Variants in KDM4C observed in about 807,000 individuals in gnomAD.
KDM4C encodes lysine-specific demethylase 4C.
Under a neutral mutation model 129.3 loss-of-function variants are expected in KDM4C, and 81 were observed. The ratio of observed to expected loss-of-function variants is 0.63; its 90% CI spans 0.52 to 0.75. KDM4C has a LOEUF of 0.75. KDM4C is among the 30% of genes least tolerant of loss of function. The pLI is 0.00. For missense variants in KDM4C, 1,457 were observed against 1,304.0 expected, an observed-to-expected ratio of 1.12 and a Z score of -1.81; for synonymous variants, 573 against 456.1, an observed-to-expected ratio of 1.26 and a Z score of -3.26.
At chr9:7,011,640 G>T in intron 12 of KDM4C, 58 bp from the exon 13 acceptor site, 5 of 1,444,074 alleles carry the variant, frequency 3.5e-6, no homozygotes, top group Non-Finnish European at 4.9e-6. Flanking sequence ...TTTGTACTCA[G>T]GGTGATTGTT....
chr9:6,815,280 C>T (rs1055463441), intron 4 of KDM4C: 11 of 151,898 alleles, frequency 7.2e-5, no homozygotes, highest in African/African-American at 2.7e-4. Flanking sequence ...ATTCTTTTTG[C>T]CTTTTCCTGA....
chr9:6,732,962 G>A (rs921928331), intron 1 of KDM4C, among the ~76,000 whole-genome samples: 4 of 152,058 alleles, frequency 2.6e-5, no homozygotes, highest in Admixed American at 6.6e-5. Context: ...GCAGTCAGCC[G>A]AGATCATGCC....
At chr9:6,958,586 G>GA (rs987352305) in intron 8 of KDM4C, among the ~76,000 whole-genome samples, 203 of 140,218 alleles carry the variant, frequency 1.4e-3, no homozygotes, top group African/African-American at 3.1e-3. Flanking sequence ...GACTCTGTCT[G>GA]AAAAAAAAAA....
At chr9:6,792,720 G>A (rs1455652434) in intron 1 of KDM4C, among the ~76,000 whole-genome samples, 1 of 152,098 alleles carries the variant, frequency 6.6e-6, no homozygotes, top group Non-Finnish European at 1.5e-5. Flanking sequence ...AGGGTTTTGA[G>A]GAGGCTAACA....
At chr9:6,910,967 G>A (rs1372727086) in intron 8 of KDM4C, among the ~76,000 whole-genome samples, 1 of 152,078 alleles carries the variant, frequency 6.6e-6, no homozygotes, top group African/African-American at 2.4e-5. Flanking sequence ...TTATAGAATA[G>A]GATCTTTTCT....
chr9:6,980,780 C>T lies in KDM4C; in HGVS notation c.922-145C>T, dbSNP rs551470353. ...TCTATTCAGAAGAAATTGGGTTTAT[C>T]ACCCATTGAATGTTTGATAATGTAA... On this transcript the variant is annotated intron_variant, in intron 8 of 21. Transcript: ENST00000381309. 13 of 634,014 alleles carry T rather than the reference C, an allele frequency of 2.1e-5. No homozygotes were observed. The South Asian group carries it at 2.8e-4, about 14-fold the overall frequency. 39.3% of individuals were successfully genotyped at this position (634,014 alleles called of 1,614,324 possible).
chr9:6,803,127 G>T (rs897231520), intron 2 of KDM4C, among the ~76,000 whole-genome samples: 1 of 152,148 alleles, frequency 6.6e-6, no homozygotes, highest in Non-Finnish European at 1.5e-5. Context: ...GGAAAAGGGC[G>T]CTTGGAGGGC....
intron 18 of KDM4C, among the ~76,000 whole-genome samples, chr9:7,117,120 A>G (rs560276534): frequency 3.3e-5 from 5 of 152,318 alleles, no homozygotes; most frequent in Admixed American, 3.3e-4. Flanking sequence ...GTTATAGAAC[A>G]TTCAGGTTGT....
At chr9:6,938,841 A>G (rs1825299524) in intron 8 of KDM4C, among the ~76,000 whole-genome samples, 1 of 143,176 alleles carries the variant, frequency 7.0e-6, no homozygotes, top group African/African-American at 2.5e-5. Flanking sequence ...TTTATTTTTC[A>G]GATACACTAA....
chr9:6,937,244 T>G (rs1483029911), intron 8 of KDM4C, among the ~76,000 whole-genome samples: 1 of 152,204 alleles, frequency 6.6e-6, no homozygotes, highest in East Asian at 1.9e-4. Context: ...CTTGTTCGTT[T>G]TTCTTGCAGA....
At chr9:6,879,162 G>A (rs1009288227) in intron 5 of KDM4C, among the ~76,000 whole-genome samples, 1 of 152,004 alleles carries the variant, frequency 6.6e-6, no homozygotes, top group Admixed American at 6.6e-5. Flanking sequence ...AGTAAGTACA[G>A]CAAATAGAGG....
At chr9:7,133,629 T>C (rs182389753) in intron 19 of KDM4C, among the ~76,000 whole-genome samples, 40 of 152,320 alleles carry the variant, frequency 2.6e-4, no homozygotes, top group South Asian at 1.0e-3. Flanking sequence ...CTTATTGCCT[T>C]AGAAGTTCTG....
At chr9:7,090,990 A>G (rs1253162985) in intron 17 of KDM4C, among the ~76,000 whole-genome samples, 5 of 152,198 alleles carry the variant, frequency 3.3e-5, no homozygotes, top group African/African-American at 1.2e-4. Flanking sequence ...CTAGTGGAGC[A>G]TGGATGCATT....
intron 1 of KDM4C, among the ~76,000 whole-genome samples, chr9:6,791,404 C>T (rs138470423): frequency 6.6e-6 from 1 of 152,188 alleles, no homozygotes; most frequent in African/African-American, 2.4e-5. Flanking sequence ...TCACTCCCAG[C>T]CCTTGTGTAC....
intron 4 of KDM4C, among the ~76,000 whole-genome samples, chr9:6,837,313 T>A (rs527640552): frequency 6.6e-6 from 1 of 152,344 alleles, no homozygotes; most frequent in African/African-American, 2.4e-5. Flanking sequence ...TGCCTCAGCC[T>A]TCCAAAGTAT....
At chr9:7,035,876 T>G (rs916700971) in intron 15 of KDM4C, among the ~76,000 whole-genome samples, 31 of 152,192 alleles carry the variant, frequency 2.0e-4, no homozygotes, top group African/African-American at 7.5e-4. Flanking sequence ...CATGCTGTTG[T>G]TGGTTACTAC....
At chr9:6,749,430 C>G (rs1296172903) in intron 1 of KDM4C, among the ~76,000 whole-genome samples, 1 of 152,028 alleles carries the variant, frequency 6.6e-6, no homozygotes, top group Non-Finnish European at 1.5e-5. Context: ...CATGATGGGG[C>G]TGGATAAAAT....
At chr9:7,132,750 C>T (rs1840781477) in intron 19 of KDM4C, among the ~76,000 whole-genome samples, 1 of 152,200 alleles carries the variant, frequency 6.6e-6, no homozygotes, top group Admixed American at 6.5e-5. Context: ...CTCTAGCATG[C>T]ACCTGTTTAC....
chr9:6,741,014 A>T (rs1042159906), intron 1 of KDM4C, among the ~76,000 whole-genome samples: 1 of 143,298 alleles, frequency 7.0e-6, no homozygotes, highest in African/African-American at 2.6e-5. Context: ...TAGTAGAGAT[A>T]GGGTTTCACT....
Sources: allele counts gnomAD v4.1 joint callset (sites outside exome capture counted in the v4.1 genomes callset), GRCh38; gene constraint gnomAD v4.1.1; transcripts MANE v1.5; gene names NCBI Gene and HGNC (gene_info 2026-07-23, HGNC 2026-07-21).